Variants in ZNF442 observed in about 807,000 individuals in gnomAD.
The protein encoded by ZNF442 is zinc finger protein 442.
A neutral mutation model predicts 57.0 loss-of-function variants in ZNF442; 45 were observed. The observed-to-expected ratio is 0.79, with a 90% confidence interval of 0.62 to 1.01. ZNF442 has a LOEUF of 1.01. Among genes scored for constraint, ZNF442 ranks in the 50% least tolerant of loss-of-function variants. The probability of loss-of-function intolerance (pLI) is 0.00; values close to 1 mark genes in which losing one functional copy is unlikely to be tolerated. For missense variants in ZNF442, 690 were observed against 756.5 expected, an observed-to-expected ratio of 0.91 and a Z score of 1.03; for synonymous variants, 213 against 241.8, an observed-to-expected ratio of 0.88 and a Z score of 1.10.
At position 12,361,531 on chromosome 19, in the gene ZNF442, G is replaced by A. The variant is rs529165797; in HGVS notation, c.78+2023C>T. On this transcript the variant is annotated intron_variant, in intron 3 of 5. Transcript: ENST00000242804. Reference sequence around the variant, plus strand: ...TTTTCTGCAGCCATAAAGAAAGTACGACCAAACATTTTTCCTTAGTCATAC... The same window carrying A: ...TTTTCTGCAGCCATAAAGAAAGTACAACCAAACATTTTTCCTTAGTCATAC... Among the ~76,000 whole-genome samples the A allele has an allele frequency of 1.1e-3, 164 of 152,188 alleles. 4 individuals are homozygous for A. Among genetic ancestry groups the A allele is most frequent in the African/African-American group, 3.7e-3 (152 of 41,542 alleles).
In ZNF442 at chr19:12,350,821, T is replaced by C. The variant is rs781170720; in HGVS notation, c.764A>G (p.His255Arg). 1.5e-5 allele frequency: 24 copies of C among 1,613,988 alleles called. No homozygotes were observed. The highest frequency in any genetic ancestry group is 2.2e-5 in the East Asian group (1 of 44,888). Residue 255 changes from histidine (H) to arginine (R), a missense_variant, in exon 6 of 6, where the codon CAT (histidine) becomes CGT (arginine). Physicochemically the swap from His to Arg is conservative, Grantham distance 29. Coordinates refer to ENST00000242804, the MANE Select transcript of ZNF442 (RefSeq NM_030824.3). ...TTTCTCCCCAGTGTGTGTTCTTTCA[T>C]GTCTTAGATAGGAACTGTAAATAGG... is the stretch of plus-strand genomic sequence containing the variant. ...AFPIYSSYLR[H>R]ERTHTGEKPY...
chr19:12,355,911 G>A (rs561464025), intron 3 of ZNF442, among the ~76,000 whole-genome samples: 1 of 152,050 alleles, frequency 6.6e-6, no homozygotes, highest in East Asian at 2.0e-4. Context: ...GAGGTGGGAG[G>A]ATCACCTGAA....
the ZNF442 span, among the ~76,000 whole-genome samples, chr19:12,370,972 CAAAA>C: frequency 1.5e-5 from 1 of 66,050 alleles, no homozygotes. Flanking sequence ...GACCCCATCT[CAAAA>C]AAAAAAAAAA....
chr19:12,372,810 G>T, the ZNF442 span, among the ~76,000 whole-genome samples: 1 of 152,170 alleles, frequency 6.6e-6, no homozygotes, highest in Non-Finnish European at 1.5e-5. Context: ...GTCTCACTCT[G>T]TCGCCCAGGA....
chr19:12,353,170 T>C (rs761271118), intron 3 of ZNF442, 56 bp from the exon 4 acceptor site: 25 of 1,524,380 alleles, frequency 1.6e-5, no homozygotes, highest in Non-Finnish European at 2.1e-5. Flanking sequence ...TACCAAAAAT[T>C]TACACCCACT....
At chr19:12,353,288 T>C (rs1969274760) in intron 3 of ZNF442, among the ~76,000 whole-genome samples, 174 bp from the exon 4 acceptor site, 1 of 152,248 alleles carries the variant, frequency 6.6e-6, no homozygotes, top group Non-Finnish European at 1.5e-5. Flanking sequence ...ATTCTGATGC[T>C]AGAATTGAAT....
rs921282766 is a variant in ZNF442, at chr19:12,348,941, G to A, written c.*760C>T. The A allele has an allele frequency of 5.3e-5, 8 of 149,704 alleles. No individual in the cohort carries two copies. The highest frequency in any genetic ancestry group is 3.2e-3 in the Middle Eastern group (1 of 308). 9.3% of individuals were successfully genotyped at this position (149,704 alleles called of 1,614,324 possible). On this transcript the variant is annotated 3_prime_UTR_variant, in exon 6 of 6. Transcript: ENST00000242804. Reference sequence around the variant, plus strand: ...CATGCCTGTAATCCCAGCACTTTGGGAGACCAAGGCAGGCAGATCATCTGA... The same window carrying A: ...CATGCCTGTAATCCCAGCACTTTGGAAGACCAAGGCAGGCAGATCATCTGA...
At chr19:12,358,687 A>G (rs1004451057) in intron 3 of ZNF442, among the ~76,000 whole-genome samples, 2 of 152,128 alleles carry the variant, frequency 1.3e-5, no homozygotes, top group African/African-American at 4.8e-5. Flanking sequence ...CAAAATACAA[A>G]CTCTAGGTCA....
intron 2 of ZNF442, among the ~76,000 whole-genome samples, chr19:12,363,989 T>C (rs927821585): frequency 6.6e-6 from 1 of 152,172 alleles, no homozygotes; most frequent in Non-Finnish European, 1.5e-5. Flanking sequence ...TGATTAGGTA[T>C]CCGTACCCAG....
At position 12,350,618 on chromosome 19, in the gene ZNF442, A is replaced by T. The variant is rs1969211179; in HGVS notation, c.967T>A (p.Cys323Ser). 1 of 1,613,942 alleles carries T rather than the reference A, an allele frequency of 6.2e-7. No individual in the cohort carries two copies. The highest frequency in any genetic ancestry group is 1.7e-5 in the Admixed American group (1 of 60,000). ...TGAAATGCTTTCCCGCATTGCTTGC[A>T]TTCATAGGGTTTCTCTCCAGTGTGA... Reference protein sequence around the residue: ...RTHTGEKPYECKQCGKAFHHL... With the variant: ...RTHTGEKPYESKQCGKAFHHL... Residue 323 changes from cysteine to serine, a missense_variant, in exon 6 of 6, where the codon TGC becomes AGC. Physicochemically the swap from Cys to Ser is moderately radical, Grantham distance 112. Coordinates refer to ENST00000242804, the MANE Select transcript of ZNF442 (RefSeq NM_030824.3).
At chr19:12,358,398 G>A (rs1270295557) in intron 3 of ZNF442, among the ~76,000 whole-genome samples, 1 of 152,160 alleles carries the variant, frequency 6.6e-6, no homozygotes, top group Non-Finnish European at 1.5e-5. Flanking sequence ...TGGCTGAATA[G>A]TATCCCAATG....
intron 3 of ZNF442, among the ~76,000 whole-genome samples, chr19:12,362,760 G>A (rs1392243809): frequency 2.0e-5 from 3 of 150,204 alleles, no homozygotes; most frequent in African/African-American, 4.9e-5. Flanking sequence ...CGGTTTTGTC[G>A]AGTGGAAGTG....
chr19:12,352,109 T>C (rs1171490503), intron 4 of ZNF442, 39 bp from the exon 5 acceptor site: 9 of 1,576,804 alleles, frequency 5.7e-6, no homozygotes, highest in Middle Eastern at 1.7e-4. Context: ...TAGATTATTA[T>C]AAAATTCTAA....
chr19:12,350,933 A>G lies in ZNF442; in HGVS notation c.652T>C (p.Phe218Leu), dbSNP rs1428875712. The part of the protein sequence containing the change: ...PYICKLCGKA[F>L]FWPSLFRMHE... ...ATACGAAATAAACTAGGCCAAAAAA[A>G]GGCTTTCCCACACAACTTACATATA... The change falls in exon 6 of 6, where the codon TTT (phenylalanine) becomes CTT (leucine). Residue 218 changes from phenylalanine (F) to leucine (L), a missense_variant. Coordinates refer to ENST00000242804, the MANE Select transcript of ZNF442 (RefSeq NM_030824.3). 6.2e-7 allele frequency: 1 copy of G among 1,614,222 alleles called. No individual in the cohort carries two copies. Among genetic ancestry groups the G allele is most frequent in the Non-Finnish European group, 8.5e-7 (1 of 1,180,030 alleles).
upstream of ZNF442, among the ~76,000 whole-genome samples, chr19:12,369,872 C>T (rs991138805): frequency 3.3e-5 from 5 of 151,720 alleles, no homozygotes; most frequent in Non-Finnish European, 1.5e-5. Flanking sequence ...TGTCACTGCA[C>T]TCCAGCCTGG....
chr19:12,358,519 G>A (rs1168698876), intron 3 of ZNF442, among the ~76,000 whole-genome samples: 1 of 152,140 alleles, frequency 6.6e-6, no homozygotes, highest in Non-Finnish European at 1.5e-5. Context: ...TCTTTTTGGT[G>A]TACTGATTTC....
In ZNF442 at chr19:12,350,356, C is replaced by T. The variant is rs1318755223; in HGVS notation, c.1229G>A (p.Cys410Tyr). 1.2e-6 allele frequency: 2 copies of T among 1,613,996 alleles called. No individual in the cohort carries two copies. Among genetic ancestry groups the T allele is most frequent in the East Asian group, 2.2e-5 (1 of 44,882 alleles). ...ACTGGGATAAATGAAGGCTTTCCCA[C>T]ATACCTTGCATTTGTGAGGTCCATC... is the stretch of plus-strand genomic sequence containing the variant. ...TGDGPHKCKV[C>Y]GKAFIYPSVF... Residue 410 changes from cysteine (C) to tyrosine (Y), a missense_variant, in exon 6 of 6, where the codon TGT (cysteine) becomes TAT (tyrosine). By Grantham distance (194) the Cys-to-Tyr change is radical. Transcript: ENST00000242804.
In ZNF442 at chr19:12,351,996, T is replaced by G; in HGVS notation, c.266+14A>C. ...TCCACAGATATATGTCTTTCTCTTG[T>G]GAGTGCAAATTACCTTAGGCTCCTC... On this transcript the variant is annotated intron_variant, in intron 5 of 5. Transcript: ENST00000242804. The G allele has an allele frequency of 6.2e-7, 1 of 1,611,702 alleles. No homozygotes were observed.
chr19:12,367,423 C>T (rs1334750865), upstream of ZNF442, among the ~76,000 whole-genome samples: 1 of 152,140 alleles, frequency 6.6e-6, no homozygotes, highest in African/African-American at 2.4e-5. Context: ...GGGTCTGTGT[C>T]CTGCTGTGCA....
Sources: allele counts gnomAD v4.1 joint callset (sites outside exome capture counted in the v4.1 genomes callset), GRCh38; gene constraint gnomAD v4.1.1; transcripts MANE v1.5; gene names NCBI Gene and HGNC (gene_info 2026-07-23, HGNC 2026-07-21).